MOB3B: variants seen among roughly 807,000 people sequenced by gnomAD.
The protein encoded by MOB3B is MOB kinase activator-like 2B.
MOB3B carries 7 observed loss-of-function variants against 18.7 expected under a neutral mutation model. The ratio of observed to expected loss-of-function variants is 0.37; its 90% CI spans 0.21 to 0.70. The LOEUF is 0.70. Ranked by LOEUF, MOB3B falls within the 30% of genes least tolerant of loss-of-function variation. The pLI is 0.52. For missense variants in MOB3B, 253 were observed against 281.3 expected (o/e 0.90, Z 0.72); for synonymous variants, 111 against 99.9 (o/e 1.11, Z -0.66).
intron 2 of MOB3B, among the ~76,000 whole-genome samples, chr9:27,410,717 C>T (rs1003041470): frequency 6.6e-6 from 1 of 152,110 alleles, no homozygotes; most frequent in African/African-American, 2.4e-5. Flanking sequence ...GGTCACCACA[C>T]AGATCAGTGT....
At chr9:27,366,419 C>A (rs1049736540) in intron 2 of MOB3B, among the ~76,000 whole-genome samples, 1 of 152,172 alleles carries the variant, frequency 6.6e-6, no homozygotes, top group Admixed American at 6.5e-5. Flanking sequence ...CCCTCCTGCC[C>A]CTCCCTTCCA....
At chr9:27,381,728 C>T (rs1821580166) in intron 2 of MOB3B, among the ~76,000 whole-genome samples, 1 of 152,102 alleles carries the variant, frequency 6.6e-6, no homozygotes, top group African/African-American at 2.4e-5. Flanking sequence ...CTCATTGTAT[C>T]CTCAACCTCC....
At chr9:27,366,285 C>A (rs990471751) in intron 2 of MOB3B, among the ~76,000 whole-genome samples, 1 of 152,196 alleles carries the variant, frequency 6.6e-6, no homozygotes, top group East Asian at 1.9e-4. Flanking sequence ...GTAATAATTT[C>A]TCTGAGGCCC....
intron 2 of MOB3B, among the ~76,000 whole-genome samples, chr9:27,425,100 G>T (rs140021944): frequency 6.6e-6 from 1 of 152,178 alleles, no homozygotes; most frequent in Non-Finnish European, 1.5e-5. Context: ...GGGCATCCAG[G>T]CGCGGTGGCT....
intron 2 of MOB3B, among the ~76,000 whole-genome samples, chr9:27,389,101 C>T (rs2131380270): frequency 6.6e-6 from 1 of 152,250 alleles, no homozygotes; most frequent in Non-Finnish European, 1.5e-5. Flanking sequence ...CAATAAAATC[C>T]AAGCCCTTTG....
chr9:27,390,531 A>G (rs1043391839), intron 2 of MOB3B, among the ~76,000 whole-genome samples: 1 of 152,208 alleles, frequency 6.6e-6, no homozygotes, highest in Non-Finnish European at 1.5e-5. Context: ...TGTACCAGAC[A>G]CTGCTAACAT....
intron 2 of MOB3B, among the ~76,000 whole-genome samples, chr9:27,434,792 A>C (rs1452906250): frequency 2.0e-5 from 3 of 151,840 alleles, no homozygotes; most frequent in African/African-American, 7.3e-5. Context: ...AACTCTTTCC[A>C]CACTTGAGTT....
rs575241546 is a variant in MOB3B, at chr9:27,399,051, G to A, written c.419-39815C>T. On this transcript the variant is annotated intron_variant, in intron 2 of 3. Transcript: ENST00000262244. Reference sequence around the variant, plus strand: ...AATATTTAAAATATTGAGTCCCCAAGTGGAGGTCAAATAAATTATTCTTAG... The same window carrying A: ...AATATTTAAAATATTGAGTCCCCAAATGGAGGTCAAATAAATTATTCTTAG... 1.6e-3 allele frequency among the ~76,000 whole-genome samples: 249 copies of A among 152,236 alleles called. 1 individual carries two copies. Among genetic ancestry groups the A allele is most frequent in the African/African-American group, 5.7e-3 (238 of 41,546 alleles).
chr9:27,495,362 A>AT (rs1403691629), intron 1 of MOB3B, among the ~76,000 whole-genome samples: 6 of 152,060 alleles, frequency 3.9e-5, no homozygotes, highest in African/African-American at 1.4e-4. Flanking sequence ...AAATAAATAA[A>AT]TAAATTAATT....
At chr9:27,526,221 A>G (rs900757550) in intron 1 of MOB3B, 5 of 152,258 alleles carry the variant, frequency 3.3e-5, no homozygotes, top group Non-Finnish European at 5.9e-5. Flanking sequence ...GATAAAAGTG[A>G]GGCAAATTTC....
intron 1 of MOB3B, among the ~76,000 whole-genome samples, chr9:27,501,927 A>G (rs1249392461): frequency 6.6e-6 from 1 of 152,212 alleles, no homozygotes; most frequent in African/African-American, 2.4e-5. Context: ...TTTAAATATT[A>G]CAGTTCAAGT....
At chr9:27,459,402 GT>G (rs1338051363) in intron 1 of MOB3B, among the ~76,000 whole-genome samples, 1 of 152,184 alleles carries the variant, frequency 6.6e-6, no homozygotes. Flanking sequence ...ATCTAACTAA[GT>G]GATCTTGTTA....
At chr9:27,521,530 T>TA (rs1187190603) in intron 1 of MOB3B, among the ~76,000 whole-genome samples, 4 of 152,170 alleles carry the variant, frequency 2.6e-5, no homozygotes, top group Admixed American at 6.5e-5. Flanking sequence ...TACAATTATC[T>TA]GTTTTTTAAA....
chr9:27,454,304 C>T (rs184729007), intron 2 of MOB3B, among the ~76,000 whole-genome samples: 1 of 152,280 alleles, frequency 6.6e-6, no homozygotes, highest in Admixed American at 6.5e-5. Flanking sequence ...AGTATTTATT[C>T]CATCATTCCA....
In MOB3B at chr9:27,429,154, T is replaced by C. The variant is rs148600445; in HGVS notation, c.418+25979A>G. Among the ~76,000 whole-genome samples, 1,233 of 152,334 alleles carry C rather than the reference T, an allele frequency of 8.1e-3. 9 individuals carry two copies. The highest frequency in any genetic ancestry group is 9.4e-3 in the Non-Finnish European group (641 of 68,040). On this transcript the variant is annotated intron_variant, in intron 2 of 3. Coordinates refer to ENST00000262244, the MANE Select transcript of MOB3B (RefSeq NM_024761.5). ...AGGGAAAGGCCCAGAGTTAAACTTC[T>C]AGAGCTTCTCATAAATCGTAGGAAC...
At chr9:27,414,661 T>C (rs961173309) in intron 2 of MOB3B, among the ~76,000 whole-genome samples, 1 of 152,178 alleles carries the variant, frequency 6.6e-6, no homozygotes, top group South Asian at 2.1e-4. Flanking sequence ...GTTTTCAAAG[T>C]GCTGCCTCAC....
intron 2 of MOB3B, among the ~76,000 whole-genome samples, chr9:27,413,047 T>C (rs548872592): frequency 6.6e-6 from 1 of 152,300 alleles, no homozygotes; most frequent in South Asian, 2.1e-4. Flanking sequence ...AGCCAAGTAA[T>C]AACATTAACA....
At chr9:27,470,114 GAAA>G (rs751414011) in intron 1 of MOB3B, among the ~76,000 whole-genome samples, 1 of 125,968 alleles carries the variant, frequency 7.9e-6, no homozygotes, top group Non-Finnish European at 1.6e-5. Flanking sequence ...TCTCTTAAAA[GAAA>G]AAAAAAAAAA....
chr9:27,453,421 C>G (rs902695372), intron 2 of MOB3B, among the ~76,000 whole-genome samples: 3 of 152,150 alleles, frequency 2.0e-5, no homozygotes, highest in African/African-American at 7.2e-5. Context: ...CCTAAGCATA[C>G]TGAATGACTA....
Sources: gnomAD v4.1 joint callset for allele counts (sites outside exome capture counted in the v4.1 genomes callset) on GRCh38, gnomAD v4.1.1 for gene constraint, MANE v1.5 for transcripts, NCBI Gene and HGNC (gene_info 2026-07-23, HGNC 2026-07-21) for gene names.